The following OSBPL11 variants were observed in gnomAD, a reference collection of about 807,000 sequenced individuals.
OSBPL11 encodes oxysterol binding protein like 11.
Under a neutral mutation model 84.4 loss-of-function variants are expected in OSBPL11, and 33 were observed. That is an observed-to-expected ratio of 0.39 (90% CI 0.30 to 0.52). The LOEUF is 0.52. Ranked by LOEUF, OSBPL11 falls within the 20% of genes least tolerant of loss-of-function variation. OSBPL11 has a pLI of 0.72. For missense variants in OSBPL11, 736 were observed against 901.1 expected (o/e 0.82, Z 2.35); for synonymous variants, 276 against 310.2 (o/e 0.89, Z 1.16).
At chr3:125,572,878 TTATA>T (rs941700754) in intron 5 of OSBPL11, among the ~76,000 whole-genome samples, 45 of 146,296 alleles carry the variant, frequency 3.1e-4, no homozygotes, top group Non-Finnish European at 5.8e-4. Context: ...TATATATATT[TTATA>T]TATATAAAAT....
chr3:125,543,526 A>C (rs994256784), intron 10 of OSBPL11, among the ~76,000 whole-genome samples: 4 of 152,204 alleles, frequency 2.6e-5, no homozygotes, highest in African/African-American at 9.7e-5. Context: ...CAAGAAGTTA[A>C]AGCTGTGATC....
intron 11 of OSBPL11, among the ~76,000 whole-genome samples, chr3:125,534,100 A>G (rs1385165414): frequency 3.9e-5 from 6 of 152,162 alleles, no homozygotes; most frequent in African/African-American, 1.2e-4. Flanking sequence ...ACATTTACCA[A>G]GGCCAGGTGT....
chr3:125,545,407 A>AC (rs1935795933), intron 10 of OSBPL11, among the ~76,000 whole-genome samples: 1 of 152,218 alleles, frequency 6.6e-6, no homozygotes, highest in South Asian at 2.1e-4. Context: ...TCTTCACAGT[A>AC]CCATTGTCCT....
At chr3:125,583,033 G>T in intron 1 of OSBPL11, 55 bp from the exon 2 acceptor site, 1 of 1,291,414 alleles carries the variant, frequency 7.7e-7, no homozygotes, top group Non-Finnish European at 1.1e-6. Context: ...ATCCCAGGAG[G>T]ATAATGGTAC....
At chr3:125,549,497 T>C (rs1031785614) in intron 9 of OSBPL11, among the ~76,000 whole-genome samples, 3 of 152,198 alleles carry the variant, frequency 2.0e-5, no homozygotes, top group Non-Finnish European at 2.9e-5. Context: ...AAATTTTACA[T>C]TTGAGACAAG....
chr3:125,555,691 CTTTTTTT>C (rs927957323), intron 8 of OSBPL11, among the ~76,000 whole-genome samples: 3 of 147,730 alleles, frequency 2.0e-5, no homozygotes, highest in Non-Finnish European at 4.5e-5. Context: ...GAGATATTAT[CTTTTTTT>C]TTTTGAGATG....
At chr3:125,548,270 A>G (rs1349651302) in intron 9 of OSBPL11, among the ~76,000 whole-genome samples, 3 of 152,192 alleles carry the variant, frequency 2.0e-5, no homozygotes, top group African/African-American at 7.2e-5. Flanking sequence ...ACTTTTTAAC[A>G]GTTTGGGAAT....
At chr3:125,560,636 T>C (rs1936062523) in intron 7 of OSBPL11, 117 bp from the exon 8 acceptor site, 1 of 915,526 alleles carries the variant, frequency 1.1e-6, no homozygotes, top group Admixed American at 3.1e-5. Flanking sequence ...TGAATCTGAG[T>C]ATGGGCAAAA....
chr3:125,553,127 A>G (rs1337542573), intron 8 of OSBPL11, among the ~76,000 whole-genome samples: 2 of 152,170 alleles, frequency 1.3e-5, no homozygotes, highest in East Asian at 3.8e-4. Context: ...CAACAACAAA[A>G]AAGCATTCTT....
intron 7 of OSBPL11, among the ~76,000 whole-genome samples, chr3:125,563,109 A>G (rs1936101530): frequency 6.6e-6 from 1 of 152,264 alleles, no homozygotes; most frequent in Admixed American, 6.5e-5. Context: ...ATAGCTTAAA[A>G]TAACAGATGT....
At chr3:125,563,909 AT>A in intron 6 of OSBPL11, 66 bp from the exon 7 acceptor site, 1 of 1,574,500 alleles carries the variant, frequency 6.4e-7, no homozygotes, top group Non-Finnish European at 8.6e-7. Flanking sequence ...GCAGATGTGG[AT>A]TTTAACAATT....
chr3:125,594,834 G>C lies in OSBPL11; in HGVS notation c.-34C>G. On this transcript the variant is annotated 5_prime_UTR_variant, in exon 1 of 13. Coordinates refer to ENST00000296220, the MANE Select transcript of OSBPL11 (RefSeq NM_022776.5). Reference sequence around the variant, plus strand: ...CAAAGTCCACTTGCCCTTCTTGAGCGGGAGAGAACAATTCTGTAGTTCTGT... The same window carrying C: ...CAAAGTCCACTTGCCCTTCTTGAGCCGGAGAGAACAATTCTGTAGTTCTGT... 1.2e-6 allele frequency: 2 copies of C among 1,604,114 alleles called. No homozygotes were observed. Among genetic ancestry groups the C allele is most frequent in the Non-Finnish European group, 1.7e-6 (2 of 1,174,374 alleles).
Position 125,567,575 on chromosome 3 carries a change from T to C in OSBPL11, c.687A>G (p.Gly229=), listed in dbSNP as rs1265267170. Residue 229 remains glycine (G), a synonymous_variant, in exon 6 of 13, where the codon GGA becomes GGG. Transcript: ENST00000296220. ...EVREMMSHAE[G]QQRDLIRRIE... The stretch of plus-strand genomic sequence containing the variant: ...TTCGTCTAATTAAGTCTCTTTGTTG[T>C]CCTTCAGCATGAGACATCATCTAAG... 1 of 1,614,092 alleles carries C rather than the reference T, an allele frequency of 6.2e-7. No homozygotes were observed. The highest frequency in any genetic ancestry group is 1.3e-5 in the African/African-American group (1 of 75,066).
At chr3:125,552,035 T>C (rs1371845870) in intron 9 of OSBPL11, 146 bp downstream of exon 9, 12 of 356,346 alleles carry the variant, frequency 3.4e-5, no homozygotes, top group Non-Finnish European at 5.0e-5. Context: ...ACGTGCCTGC[T>C]TGGGTTTCTC....
In OSBPL11 at chr3:125,552,368, C is replaced by T; in HGVS notation, c.1467G>A (p.Gly489=). 6.2e-7 allele frequency: 1 copy of T among 1,614,010 alleles called. No homozygotes were observed. The highest frequency in any genetic ancestry group is 8.5e-7 in the Non-Finnish European group (1 of 1,179,994). Residue 489 remains glycine (G), a synonymous_variant, in exon 9 of 13, where the codon GGG becomes GGA. Coordinates refer to ENST00000296220, the MANE Select transcript of OSBPL11 (RefSeq NM_022776.5). ...QGVTNHAPLS[G]ESLTQVGSDC... is the part of the protein sequence containing the mutation. ...CTGATCCCACCTGGGTCAAAGACTC[C>T]CCCGATAAAGGAGCATGATTTGTGA...
chr3:125,552,141 G>GTGTA, intron 9 of OSBPL11, 40 bp downstream of exon 9: 2 of 871,918 alleles, frequency 2.3e-6, no homozygotes, highest in Non-Finnish European at 3.1e-6. Context: ...ATGTGTGTGT[G>GTGTA]TATATATATA....
At chr3:125,582,855 G>T in intron 2 of OSBPL11, 55 bp downstream of exon 2, 1 of 1,201,952 alleles carries the variant, frequency 8.3e-7, no homozygotes, top group South Asian at 1.4e-5. Flanking sequence ...AAATTATTGG[G>T]CCCTATTCCT....
Position 125,545,123 on chromosome 3 carries a change from A to G in OSBPL11, c.1841+2283T>C, listed in dbSNP as rs59827700. On this transcript the variant is annotated intron_variant, in intron 10 of 12. Coordinates refer to ENST00000296220, the MANE Select transcript of OSBPL11 (RefSeq NM_022776.5). Reference sequence around the variant, plus strand: ...GTTAGCTTTGGGTTTCATGGTATATATAAAAAATTCACATGAAGCATAATT... The same window carrying G: ...GTTAGCTTTGGGTTTCATGGTATATGTAAAAAATTCACATGAAGCATAATT... Among the ~76,000 whole-genome samples the G allele has an allele frequency of 9.0e-3, 1,367 of 152,348 alleles. 15 individuals carry two copies. The highest frequency in any genetic ancestry group is 0.031 in the African/African-American group (1,273 of 41,592).
At chr3:125,568,906 T>C (rs1354989823) in intron 5 of OSBPL11, among the ~76,000 whole-genome samples, 1 of 152,006 alleles carries the variant, frequency 6.6e-6, no homozygotes, top group African/African-American at 2.4e-5. Flanking sequence ...CTCTATATAG[T>C]GGACAGACTC....
Sources: allele counts gnomAD v4.1 joint callset (sites outside exome capture counted in the v4.1 genomes callset), GRCh38; gene constraint gnomAD v4.1.1; transcripts MANE v1.5; gene names NCBI Gene and HGNC (gene_info 2026-07-23, HGNC 2026-07-21).